The following NLGN1 variants were observed in gnomAD, a reference collection of about 807,000 sequenced individuals.
NLGN1 encodes neuroligin-1.
NLGN1 carries 12 observed loss-of-function variants against 65.5 expected under a neutral mutation model. The ratio of observed to expected loss-of-function variants is 0.18; its 90% confidence interval spans 0.12 to 0.30. The LOEUF is 0.30. Ranked by LOEUF, NLGN1 falls within the 10% of genes least tolerant of loss-of-function variation. The probability of loss-of-function intolerance (pLI) is 1.00; values close to 1 mark genes in which losing one functional copy is unlikely to be tolerated. For missense variants in NLGN1, 750 were observed against 1,007.1 expected, an observed-to-expected ratio of 0.74 and a Z score of 3.46; for synonymous variants, 350 against 359.5, an observed-to-expected ratio of 0.97 and a Z score of 0.30.
rs1195610296 is a variant in NLGN1 at position 173,604,268 on chromosome 3, A to AT, written c.-320-5dup. The AT allele has an allele frequency of 1.1e-5, 3 of 262,762 alleles. No individual in the cohort carries two copies. The highest frequency in any genetic ancestry group is 4.9e-5 in the Admixed American group (1 of 20,414). 16.3% of individuals were successfully genotyped at this position (262,762 alleles called of 1,614,324 possible). ...TTGTTCCAGCTCATGATTTATTTTC[A>AT]TTTTTTCTAGGATATAGACCTGCAG... On this transcript the variant is annotated splice_polypyrimidine_tract_variant and intron_variant, in intron 2 of 6. Transcript: ENST00000457714.
At chr3:173,407,887 A>G (rs894235316) in intron 1 of NLGN1, among the ~76,000 whole-genome samples, 8 of 152,344 alleles carry the variant, frequency 5.3e-5, no homozygotes, top group African/African-American at 1.9e-4. Context: ...TTTTGAATAA[A>G]TAGTCCTCAG....
intron 3 of NLGN1, among the ~76,000 whole-genome samples, chr3:173,762,469 A>G (rs1221544524): frequency 6.6e-6 from 1 of 152,076 alleles, no homozygotes; most frequent in East Asian, 1.9e-4. Flanking sequence ...GAGATGAAAT[A>G]TACTATAGCT....
intron 3 of NLGN1, among the ~76,000 whole-genome samples, chr3:173,624,276 C>T (rs1754480203): frequency 6.6e-6 from 1 of 152,124 alleles, no homozygotes; most frequent in Non-Finnish European, 1.5e-5. Flanking sequence ...TAATAGATTA[C>T]AGGGTTAATA....
At chr3:174,111,175 C>T (rs1010741448) in intron 4 of NLGN1, among the ~76,000 whole-genome samples, 4 of 151,862 alleles carry the variant, frequency 2.6e-5, no homozygotes, top group Non-Finnish European at 4.4e-5. Flanking sequence ...ATCTGCCAGT[C>T]TAAGAGAGGA....
chr3:174,022,296 G>C (rs1458097379), intron 4 of NLGN1, among the ~76,000 whole-genome samples: 1 of 152,064 alleles, frequency 6.6e-6, no homozygotes. Context: ...TTGAAATTTA[G>C]CATATTTGTT....
At position 174,057,690 on chromosome 3, in the gene NLGN1, G is replaced by C. The variant is rs1736468810; in HGVS notation, c.647-217625G>C. The stretch of plus-strand genomic sequence containing the variant: ...ACATCTGTCACCCATTGATTTTCCA[G>C]TTGATTTTGCCATGACTTGGTAGGT... On this transcript the variant is annotated intron_variant, in intron 4 of 6. Transcript: ENST00000457714. 2 of 152,100 alleles carry C rather than the reference G, an allele frequency of 1.3e-5. 1 individual carries two copies. Among genetic ancestry groups the C allele is most frequent in the South Asian group, 4.1e-4 (2 of 4,832 alleles). 9.4% of individuals were successfully genotyped at this position (152,100 alleles called of 1,614,324 possible).
chr3:174,024,657 G>T (rs919741993), intron 4 of NLGN1, among the ~76,000 whole-genome samples: 3 of 152,128 alleles, frequency 2.0e-5, no homozygotes, highest in Admixed American at 1.3e-4. Context: ...GCTGTGGAAG[G>T]CTCTGAAGTC....
intron 4 of NLGN1, among the ~76,000 whole-genome samples, chr3:173,909,914 G>T (rs1187278362): frequency 6.6e-6 from 1 of 152,134 alleles, no homozygotes; most frequent in Non-Finnish European, 1.5e-5. Context: ...CTGACCTTAG[G>T]TGTTCCACCC....
At chr3:173,704,415 A>G (rs1165830953) in intron 3 of NLGN1, among the ~76,000 whole-genome samples, 1 of 152,162 alleles carries the variant, frequency 6.6e-6, no homozygotes, top group African/African-American at 2.4e-5. Flanking sequence ...TCAGTTGGGA[A>G]TTATTGTTGC....
chr3:174,214,534 A>C (rs1215676491), intron 4 of NLGN1, among the ~76,000 whole-genome samples: 2 of 152,192 alleles, frequency 1.3e-5, no homozygotes, highest in African/African-American at 4.8e-5. Flanking sequence ...CCATATTCAC[A>C]AGTCCTTTTG....
intron 4 of NLGN1, among the ~76,000 whole-genome samples, chr3:174,066,623 G>T (rs183820482): frequency 7.1e-6 from 1 of 141,110 alleles, no homozygotes; most frequent in East Asian, 2.3e-4. Context: ...TTAGGTTATA[G>T]ATAGTTCCAC....
intron 4 of NLGN1, among the ~76,000 whole-genome samples, chr3:174,213,864 T>G (rs1737127211): frequency 6.6e-6 from 1 of 152,224 alleles, no homozygotes; most frequent in African/African-American, 2.4e-5. Flanking sequence ...TTATAGCATT[T>G]GTCTTCCTTG....
chr3:173,632,792 A>T lies in NLGN1; in HGVS notation c.493+27701A>T, dbSNP rs141110586. Reference sequence around the variant, plus strand: ...TATGTTTCCCTAATATTGTGGATTCATTGTATAAATAGACAGGATTTTAGA... The same window carrying T: ...TATGTTTCCCTAATATTGTGGATTCTTTGTATAAATAGACAGGATTTTAGA... On this transcript the variant is annotated intron_variant, in intron 3 of 6. Coordinates refer to ENST00000457714, the Ensembl canonical transcript of NLGN1. Among the ~76,000 whole-genome samples the T allele has an allele frequency of 1.7e-4, 25 of 149,502 alleles. No individual in the cohort carries two copies. In the East Asian group the frequency reaches 4.9e-3, roughly 29 times the overall value.
At chr3:173,449,837 G>T (rs1408097331) in intron 2 of NLGN1, among the ~76,000 whole-genome samples, 1 of 152,050 alleles carries the variant, frequency 6.6e-6, no homozygotes, top group East Asian at 1.9e-4. Context: ...TGTCTCTTTT[G>T]ATCTTTGTTG....
At chr3:173,791,111 A>G (rs1172018066) in intron 3 of NLGN1, among the ~76,000 whole-genome samples, 9 of 152,230 alleles carry the variant, frequency 5.9e-5, no homozygotes, top group Non-Finnish European at 1.3e-4. Flanking sequence ...TGCATAGAGT[A>G]CTGTGACTGG....
intron 3 of NLGN1, among the ~76,000 whole-genome samples, chr3:173,618,805 A>G (rs964737369): frequency 2.6e-5 from 4 of 152,130 alleles, no homozygotes; most frequent in African/African-American, 9.6e-5. Context: ...GACCTATAAC[A>G]TCTCAATCTA....
At chr3:174,169,357 A>C (rs1728106379) in intron 4 of NLGN1, among the ~76,000 whole-genome samples, 1 of 152,064 alleles carries the variant, frequency 6.6e-6, no homozygotes, top group Non-Finnish European at 1.5e-5. Flanking sequence ...GTCGCAACCC[A>C]GGCTGGTCAA....
chr3:173,419,808 G>T (rs1702481342), intron 1 of NLGN1, among the ~76,000 whole-genome samples: 1 of 151,666 alleles, frequency 6.6e-6, no homozygotes, highest in Middle Eastern at 3.2e-3. Context: ...ATCTCTATCT[G>T]GTAAAAATAC....
intron 4 of NLGN1, among the ~76,000 whole-genome samples, chr3:174,124,539 A>G (rs115135408): frequency 6.7e-6 from 1 of 148,152 alleles, no homozygotes; most frequent in African/African-American, 2.5e-5. Context: ...TTACTTATAT[A>G]CATATACTTA....
Sources: gnomAD v4.1 joint callset for allele counts (sites outside exome capture counted in the v4.1 genomes callset) on GRCh38, gnomAD v4.1.1 for gene constraint, MANE v1.5 for transcripts, NCBI Gene and HGNC (gene_info 2026-07-23, HGNC 2026-07-21) for gene names.